Variants in ALG10 observed in about 807,000 individuals in gnomAD.
ALG10 encodes ALG10 alpha-1,2-glucosyltransferase.
ALG10 carries 25 observed loss-of-function variants against 39.2 expected under a neutral mutation model. The observed-to-expected ratio is 0.64, with a 90% CI of 0.46 to 0.89. The LOEUF is 0.89. ALG10 is among the 40% of genes least tolerant of loss of function. The probability of loss-of-function intolerance (pLI) is 0.00; values close to 1 mark genes in which losing one functional copy is unlikely to be tolerated. For synonymous variants in ALG10, 184 were observed against 193.9 expected (o/e 0.95, Z 0.42); for missense variants, 486 against 546.6 (o/e 0.89, Z 1.11).
At chr12:34,025,605 CA>C (rs1418864386) in intron 2 of ALG10, among the ~76,000 whole-genome samples, 2 of 152,080 alleles carry the variant, frequency 1.3e-5, no homozygotes, top group Non-Finnish European at 2.9e-5. Context: ...TGCCTGATTC[CA>C]ATTGTGTTAA....
chr12:34,026,099 A>C lies in ALG10; in HGVS notation c.606A>C (p.Ala202=), dbSNP rs370864522. 24 of 1,613,998 alleles carry C rather than the reference A, an allele frequency of 1.5e-5. No individual in the cohort carries two copies. The highest frequency in any genetic ancestry group is 1.8e-5 in the Non-Finnish European group (21 of 1,179,976). ...TCTTCTGTGCAGGAAATGTCATTGCACAAAAGTTAACGGAGGCTTGGAAAA... is the reference window on the plus strand; with the variant it reads ...TCTTCTGTGCAGGAAATGTCATTGCCCAAAAGTTAACGGAGGCTTGGAAAA... ...WAVFCAGNVI[A]QKLTEAWKTE... The change falls in exon 3 of 3, where the codon GCA becomes GCC. Residue 202 remains alanine (A), a synonymous_variant. Coordinates refer to ENST00000266483, the MANE Select transcript of ALG10 (RefSeq NM_032834.4).
At position 34,026,740 on chromosome 12, in the gene ALG10, G is replaced by A. The variant is rs201276321; in HGVS notation, c.1247G>A (p.Arg416His). 25 of 1,613,810 alleles carry A rather than the reference G, an allele frequency of 1.5e-5. No homozygotes were observed. Among genetic ancestry groups the A allele is most frequent in the Middle Eastern group, 1.7e-4 (1 of 6,060 alleles). ...GTTCCTCAGAAACTGCTGGAATTTC[G>A]TTACTTCATTTTACCTTATGTCATT... The part of the protein sequence containing the change: ...VIVPQKLLEF[R>H]YFILPYVIYR... The change falls in exon 3 of 3, where the codon CGT becomes CAT. Residue 416 changes from arginine (R) to histidine (H), a missense_variant. Coordinates refer to ENST00000266483, the MANE Select transcript of ALG10 (RefSeq NM_032834.4).
Position 34,026,253 on chromosome 12 carries a change from A to T in ALG10, c.760A>T (p.Thr254Ser), listed in dbSNP as rs1942831352. The change falls in exon 3 of 3, where the codon ACT (threonine) becomes TCT (serine). Residue 254 changes from threonine to serine, a missense_variant. Coordinates refer to ENST00000266483, the MANE Select transcript of ALG10 (RefSeq NM_032834.4). ...AAACTTGAGTATGCTTTTGCTTCTG[A>T]CTTGGCCCTACATCCTTCTGGGATT... ...FKNLSMLLLL[T>S]WPYILLGFLF... 3 of 1,613,944 alleles carry T rather than the reference A, an allele frequency of 1.9e-6. No individual in the cohort carries two copies. The highest frequency in any genetic ancestry group is 2.7e-5 in the African/African-American group (2 of 74,898).
intron 2 of ALG10, among the ~76,000 whole-genome samples, chr12:34,025,093 G>A (rs1445532529): frequency 2.6e-5 from 4 of 152,144 alleles, no homozygotes. Flanking sequence ...AGGGATGTAA[G>A]GCTAGAGAAG....
chr12:34,025,529 T>C (rs534727879), intron 2 of ALG10, among the ~76,000 whole-genome samples: 1 of 152,290 alleles, frequency 6.6e-6, no homozygotes, highest in African/African-American at 2.4e-5. Context: ...CCGTGTCCTA[T>C]TTATCTCCAT....
Position 34,022,616 on chromosome 12 carries a change from G to A in ALG10, c.17G>A (p.Gly6Asp). Residue 6 changes from glycine to aspartate, a missense_variant, in exon 1 of 3, where the codon GGT (glycine) becomes GAT (aspartate). Physicochemically the swap from Gly to Asp is moderately conservative, Grantham distance 94. Transcript: ENST00000266483. The stretch of plus-strand genomic sequence containing the variant: ...GGAGCTGGAATGGCGCAGCTGGAAG[G>A]TTACTATTTCTCGGCCGCCTTGAGC... Reference protein sequence around the residue: MAQLEGYYFSAALSCT... With the variant: MAQLEDYYFSAALSCT... 1 of 1,614,136 alleles carries A rather than the reference G, an allele frequency of 6.2e-7. No individual in the cohort carries two copies. The highest frequency in any genetic ancestry group is 8.5e-7 in the Non-Finnish European group (1 of 1,180,016).
Position 34,026,667 on chromosome 12 carries a change from T to A in ALG10, c.1174T>A (p.Ser392Thr). The A allele has an allele frequency of 6.2e-7, 1 of 1,613,856 alleles. No individual in the cohort carries two copies. Among genetic ancestry groups the A allele is most frequent in the South Asian group, 1.1e-5 (1 of 91,050 alleles). ...TATAGCTGACTCATTGAAATCAAAG[T>A]CAATTTTTTGGAATTTAATGTTTTT... ...WSIADSLKSK[S>T]IFWNLMFFIC... Residue 392 changes from serine (S) to threonine (T), a missense_variant, in exon 3 of 3, where the codon TCA becomes ACA. Transcript: ENST00000266483.
rs1249990724 is a variant in ALG10 at position 34,027,803 on chromosome 12, A to G, written c.*888A>G. The G allele has an allele frequency of 6.6e-6, 1 of 152,170 alleles. No individual in the cohort carries two copies. Among genetic ancestry groups the G allele is most frequent in the African/African-American group, 2.4e-5 (1 of 41,438 alleles). The allele number at this position is 152,170 out of a possible 1,614,324, so 9.4% of individuals were successfully genotyped here. On this transcript the variant is annotated 3_prime_UTR_variant, in exon 3 of 3. Transcript: ENST00000266483. ...AGGCTCTAAGGAAGAATCCATAAAC[A>G]GACATTCTATGTCTGTTTCCTAATA...
chr12:34,026,722 A>G lies in ALG10; in HGVS notation c.1229A>G (p.Gln410Arg). 3 of 1,613,924 alleles carry G rather than the reference A, an allele frequency of 1.9e-6. No homozygotes were observed. The highest frequency in any genetic ancestry group is 2.5e-6 in the Non-Finnish European group (3 of 1,179,884). The change falls in exon 3 of 3, where the codon CAG (glutamine) becomes CGG (arginine). Residue 410 changes from glutamine (Q) to arginine (R), a missense_variant. Physicochemically the swap from Gln to Arg is conservative, Grantham distance 43 (BLOSUM62 1). Coordinates refer to ENST00000266483, the MANE Select transcript of ALG10 (RefSeq NM_032834.4). ...TGCTTGTTCACTGTTATAGTTCCTCAGAAACTGCTGGAATTTCGTTACTTC... is the reference window on the plus strand; with the variant it reads ...TGCTTGTTCACTGTTATAGTTCCTCGGAAACTGCTGGAATTTCGTTACTTC... ...FICLFTVIVP[Q>R]KLLEFRYFIL...
In ALG10 at chr12:34,022,503, C is replaced by A. The variant is rs570277778; in HGVS notation, c.-97C>A. 72 of 1,599,596 alleles carry A rather than the reference C, an allele frequency of 4.5e-5. No homozygotes were observed. The East Asian group carries it at 1.6e-3, about 35-fold the overall frequency. On this transcript the variant is annotated 5_prime_UTR_variant, in exon 1 of 3. Coordinates refer to ENST00000266483, the MANE Select transcript of ALG10 (RefSeq NM_032834.4). ...ATGTGGCCCCGTCTGGCTAGTCCCG[C>A]CTAGCGCGCCCATTTCGAGCCCAAG...
chr12:34,024,819 A>G (rs1942814103), intron 2 of ALG10, among the ~76,000 whole-genome samples: 2 of 152,208 alleles, frequency 1.3e-5, no homozygotes, highest in African/African-American at 2.4e-5. Context: ...GTCAGTTATG[A>G]TAGAGTGGTA....
At position 34,028,051 on chromosome 12, in the gene ALG10, C is replaced by T. The variant is rs1482534702; in HGVS notation, c.*1136C>T. ...ACCCTTAATTATGTTTACAAAGACC[C>T]ATGTTCCAAGTAAGTTTGTATTCAC... is the stretch of plus-strand genomic sequence containing the variant. On this transcript the variant is annotated 3_prime_UTR_variant, in exon 3 of 3. Coordinates refer to ENST00000266483, the MANE Select transcript of ALG10 (RefSeq NM_032834.4). 6.6e-6 allele frequency: 1 copy of T among 152,126 alleles called. No individual in the cohort carries two copies. The highest frequency in any genetic ancestry group is 2.4e-5 in the African/African-American group (1 of 41,424). 9.4% of individuals were successfully genotyped at this position (152,126 alleles called of 1,614,324 possible). A position where few individuals can be genotyped will look rare whatever the true frequency, so the allele number is the denominator to read the frequency against.
At chr12:34,025,788 TTTC>T in intron 2 of ALG10, 72 bp from the exon 3 acceptor site, 1 of 1,553,632 alleles carries the variant, frequency 6.4e-7, no homozygotes, top group Non-Finnish European at 8.8e-7. Flanking sequence ...TTTAAATAAA[TTTC>T]TTCATTAGGT....
intron 1 of ALG10, chr12:34,023,629 C>T (rs1389487824): frequency 2.8e-5 from 10 of 361,638 alleles, no homozygotes; most frequent in Non-Finnish European, 3.7e-5. Context: ...ACTTAAGAGT[C>T]CCAAACAATG....
In ALG10 at chr12:34,027,047, T is replaced by A. The variant is rs1565603886; in HGVS notation, c.*132T>A. 7.3e-6 allele frequency: 7 copies of A among 956,580 alleles called. No individual in the cohort carries two copies. In the South Asian group the frequency reaches 9.2e-5, roughly 13 times the overall value. 59.3% of individuals were successfully genotyped at this position (956,580 alleles called of 1,614,324 possible). ...GGTCTTCAAATTACATTAGTTTTTT[T>A]TATATATATTTTAAACATATGTAAG... On this transcript the variant is annotated 3_prime_UTR_variant, in exon 3 of 3. Coordinates refer to ENST00000266483, the MANE Select transcript of ALG10 (RefSeq NM_032834.4).
At position 34,026,098 on chromosome 12, in the gene ALG10, C is replaced by T; in HGVS notation, c.605C>T (p.Ala202Val). ...GTCTTCTGTGCAGGAAATGTCATTG[C>T]ACAAAAGTTAACGGAGGCTTGGAAA... ...WAVFCAGNVI[A>V]QKLTEAWKTE... The change falls in exon 3 of 3, where the codon GCA becomes GTA. Residue 202 changes from alanine (A) to valine (V), a missense_variant. Coordinates refer to ENST00000266483, the MANE Select transcript of ALG10 (RefSeq NM_032834.4). The T allele has an allele frequency of 6.2e-7, 1 of 1,614,036 alleles. No individual in the cohort carries two copies. Among genetic ancestry groups the T allele is most frequent in the Non-Finnish European group, 8.5e-7 (1 of 1,179,960 alleles).
At chr12:34,022,879 C>A in intron 1 of ALG10, 109 bp downstream of exon 1, 1 of 1,484,454 alleles carries the variant, frequency 6.7e-7, no homozygotes, top group Non-Finnish European at 9.1e-7. Flanking sequence ...CCTCAAGCCT[C>A]AGAACATGAA....
At chr12:34,025,315 C>G (rs1191335333) in intron 2 of ALG10, among the ~76,000 whole-genome samples, 3 of 152,192 alleles carry the variant, frequency 2.0e-5, no homozygotes, top group Non-Finnish European at 4.4e-5. Context: ...GACAGGCTCA[C>G]TTTTCAGAAA....
chr12:34,026,666 G>A lies in ALG10; in HGVS notation c.1173G>A (p.Lys391=). ...GTATAGCTGACTCATTGAAATCAAA[G>A]TCAATTTTTTGGAATTTAATGTTTT... ...GWSIADSLKS[K]SIFWNLMFFI... The change falls in exon 3 of 3, where the codon AAG becomes AAA. Residue 391 remains lysine (K), a synonymous_variant. Transcript: ENST00000266483. The A allele has an allele frequency of 6.2e-7, 1 of 1,613,774 alleles. No homozygotes were observed. The highest frequency in any genetic ancestry group is 8.5e-7 in the Non-Finnish European group (1 of 1,179,858).
Sources: gnomAD v4.1 joint callset for allele counts (sites outside exome capture counted in the v4.1 genomes callset) on GRCh38, gnomAD v4.1.1 for gene constraint, MANE v1.5 for transcripts, NCBI Gene and HGNC (gene_info 2026-07-23, HGNC 2026-07-21) for gene names.